SOX6: variants seen among roughly 807,000 people sequenced by gnomAD.
SOX6 encodes SRY-box transcription factor 6, also known as transcription factor SOX-6.
A neutral mutation model predicts 97.8 loss-of-function variants in SOX6; 11 were observed. That is an observed-to-expected ratio of 0.11 (90% CI 0.07 to 0.19). The LOEUF is 0.19. SOX6 is among the 10% of genes least tolerant of loss of function. The pLI is 1.00. For synonymous variants in SOX6, 360 were observed against 371.4 expected, an observed-to-expected ratio of 0.97 and a Z score of 0.35; for missense variants, 810 against 1,039.5, an observed-to-expected ratio of 0.78 and a Z score of 3.04.
At chr11:16,444,339 T>TACC (rs1433075606) in intron 1 of SOX6, among the ~76,000 whole-genome samples, 2 of 152,182 alleles carry the variant, frequency 1.3e-5, no homozygotes, top group African/African-American at 4.8e-5. Flanking sequence ...TAATAGTAAT[T>TACC]ACAGTATTAT....
intron 1 of SOX6, among the ~76,000 whole-genome samples, chr11:16,344,725 T>A (rs1488286545): frequency 6.6e-6 from 1 of 151,942 alleles, no homozygotes; most frequent in Non-Finnish European, 1.5e-5. Flanking sequence ...AAAATCAAAA[T>A]CCTTGTGGAA....
intron 4 of SOX6, among the ~76,000 whole-genome samples, chr11:16,510,196 AC>A (rs2133150669): frequency 6.6e-6 from 1 of 152,114 alleles, no homozygotes; most frequent in Admixed American, 6.6e-5. Flanking sequence ...TCATGATTCC[AC>A]CCCATTTGTT....
rs71044096 is a variant in SOX6, at chr11:16,302,566, C to CTTTTTTTTTTTTTTTTTTTTTTT, written c.445+15879_445+15880insAAAAAAAAAAAAAAAAAAAAAAA. On this transcript the variant is annotated intron_variant, in intron 3 of 15. Transcript: ENST00000683767. Reference sequence around the variant, plus strand: ...CTACAGCATTTTTTTTTCTTTTTTTCTTTTTTTTTTTTTTTTTTTTTTGAG... The same window carrying CTTTTTTTTTTTTTTTTTTTTTTT: ...CTACAGCATTTTTTTTTCTTTTTTTCTTTTTTTTTTTTTTTTTTTTTTTTTTTTTTTTTTTTTTTTTTTTTGAG... Among the ~76,000 whole-genome samples, 8 of 87,000 alleles carry CTTTTTTTTTTTTTTTTTTTTTTT rather than the reference C, an allele frequency of 9.2e-5. 1 individual carries two copies. Among genetic ancestry groups the CTTTTTTTTTTTTTTTTTTTTTTT allele is most frequent in the Non-Finnish European group, 1.5e-4 (7 of 47,302 alleles). 57.1% of individuals were successfully genotyped at this position (87,000 alleles called of 152,430 possible).
intron 3 of SOX6, among the ~76,000 whole-genome samples, chr11:16,637,595 T>C (rs912601466): frequency 3.9e-5 from 6 of 152,146 alleles, no homozygotes; most frequent in African/African-American, 1.4e-4. Flanking sequence ...CCAAAAACAC[T>C]GGATGTTGAT....
chr11:16,072,928 C>T (rs532497666), intron 9 of SOX6, among the ~76,000 whole-genome samples: 2 of 152,286 alleles, frequency 1.3e-5, no homozygotes, highest in South Asian at 2.1e-4. Flanking sequence ...ACCTGCCTTA[C>T]AAGAGGCCCT....
intron 1 of SOX6, among the ~76,000 whole-genome samples, chr11:16,342,673 T>C (rs1279688873): frequency 2.0e-5 from 3 of 151,958 alleles, no homozygotes; most frequent in Non-Finnish European, 4.4e-5. Flanking sequence ...GTAGTTTTTA[T>C]GTAGCAGCCC....
intron 4 of SOX6, among the ~76,000 whole-genome samples, chr11:16,545,007 G>A (rs1847600429): frequency 6.6e-6 from 1 of 152,010 alleles, no homozygotes; most frequent in Non-Finnish European, 1.5e-5. Flanking sequence ...AGGATCACTT[G>A]AGCTCAGGAG....
chr11:16,327,806 A>T (rs1590128683), intron 2 of SOX6, among the ~76,000 whole-genome samples: 3 of 152,298 alleles, frequency 2.0e-5, no homozygotes, highest in Admixed American at 2.0e-4. Flanking sequence ...ATATAATGAA[A>T]TTGAAACCCA....
chr11:15,980,317 G>C (rs1460229751), intron 15 of SOX6, among the ~76,000 whole-genome samples: 1 of 152,076 alleles, frequency 6.6e-6, no homozygotes, highest in Non-Finnish European at 1.5e-5. Flanking sequence ...TTGGGAAGCA[G>C]TGAGCTCTCT....
chr11:16,097,969 A>G (rs780734192), intron 7 of SOX6, among the ~76,000 whole-genome samples: 10 of 151,878 alleles, frequency 6.6e-5, no homozygotes, highest in Admixed American at 4.6e-4. Context: ...CTTGTAATAC[A>G]TCATTTTTTA....
At chr11:16,027,136 A>G (rs2133879445) in intron 12 of SOX6, among the ~76,000 whole-genome samples, 1 of 152,324 alleles carries the variant, frequency 6.6e-6, no homozygotes, top group African/African-American at 2.4e-5. Flanking sequence ...GAATTCCCAA[A>G]TGTAACGATA....
intron 1 of SOX6, among the ~76,000 whole-genome samples, chr11:16,353,624 G>T (rs189683037): frequency 9.2e-5 from 14 of 152,002 alleles, no homozygotes; most frequent in Admixed American, 8.5e-4. Context: ...ACTTGCATTT[G>T]CTGGAATTAT....
chr11:16,287,259 CTCTCTCTCTCTCT>C (rs1854775785), intron 3 of SOX6, among the ~76,000 whole-genome samples: 1 of 1,996 alleles, frequency 5.0e-4, no homozygotes, highest in Non-Finnish European at 1.3e-3. Context: ...TTCTCTCTGT[CTCTCTCTCTCTCT>C]CTCTCTCTCT....
At chr11:16,703,012 A>G (rs983774076) in intron 3 of SOX6, among the ~76,000 whole-genome samples, 2 of 151,248 alleles carry the variant, frequency 1.3e-5, no homozygotes, top group Non-Finnish European at 2.9e-5. Flanking sequence ...ACATTTAGCA[A>G]ATGAATAAAT....
intron 1 of SOX6, among the ~76,000 whole-genome samples, chr11:16,352,070 G>A (rs1856960832): frequency 6.6e-6 from 1 of 151,888 alleles, no homozygotes; most frequent in East Asian, 1.9e-4. Context: ...CCATGAAAAA[G>A]GACTTAAAAT....
intron 3 of SOX6, among the ~76,000 whole-genome samples, chr11:16,711,013 A>T (rs998652172): frequency 6.6e-6 from 1 of 152,074 alleles, no homozygotes; most frequent in East Asian, 1.9e-4. Context: ...ATTATCCCCA[A>T]TTCTAATCCA....
At chr11:16,603,042 A>AT (rs1441421289) in intron 4 of SOX6, among the ~76,000 whole-genome samples, 3 of 152,166 alleles carry the variant, frequency 2.0e-5, no homozygotes, top group Non-Finnish European at 4.4e-5. Flanking sequence ...GAAAAAAAAA[A>AT]GAAAAGCTAA....
chr11:15,982,515 G>GGAT (rs1283827097), intron 15 of SOX6, among the ~76,000 whole-genome samples: 1 of 151,924 alleles, frequency 6.6e-6, no homozygotes, highest in African/African-American at 2.4e-5. Context: ...CAAAATCTGA[G>GGAT]GATGCTCAAG....
Position 16,318,560 on chromosome 11 carries a change from T to C in SOX6, c.331A>G (p.Ile111Val). 1 of 1,613,720 alleles carries C rather than the reference T, an allele frequency of 6.2e-7. No individual in the cohort carries two copies. The change falls in exon 3 of 16, where the codon ATA (isoleucine) becomes GTA (valine). Residue 111 changes from isoleucine (I) to valine (V), a missense_variant. By Grantham distance (29) the Ile-to-Val change is conservative. Around this residue, in one of 9 missense-constraint regions of SOX6, gnomAD observed 46 missense variants for 84.1 expected, o/e 0.55. Transcript: ENST00000683767. ...KPDEGSRDRE[I>V]MTSVTFGTPE... ...GTTCCAAAAGTAACACTGGTCATTATCTCACGGTCCCGACTCCCTTCGTCA... is the reference window on the plus strand; with the variant it reads ...GTTCCAAAAGTAACACTGGTCATTACCTCACGGTCCCGACTCCCTTCGTCA...
Sources: gnomAD v4.1 joint callset for allele counts (sites outside exome capture counted in the v4.1 genomes callset) on GRCh38, gnomAD v4.1.1 for gene constraint, gnomAD v4.1.1 regional missense constraint, MANE v1.5 for transcripts, NCBI Gene and HGNC (gene_info 2026-07-23, HGNC 2026-07-21) for gene names.